The following TMEM130 variants were observed in gnomAD, a reference collection of about 807,000 sequenced individuals.
TMEM130 encodes transmembrane protein 130.
TMEM130 carries 37 observed loss-of-function variants against 42.9 expected under a neutral mutation model. The ratio of observed to expected loss-of-function variants is 0.86; its 90% CI spans 0.66 to 1.13. The LOEUF (loss-of-function observed/expected upper bound fraction) is 1.13, where lower values mean the gene tolerates loss of function less well. Ranked by LOEUF, TMEM130 falls within the 50% of genes most tolerant of loss-of-function variation. The probability of loss-of-function intolerance (pLI) is 0.00; values close to 1 mark genes in which losing one functional copy is unlikely to be tolerated. For synonymous variants in TMEM130, 259 were observed against 237.7 expected, an observed-to-expected ratio of 1.09 and a Z score of -0.82; for missense variants, 545 against 562.6, an observed-to-expected ratio of 0.97 and a Z score of 0.32.
intron 5 of TMEM130, among the ~76,000 whole-genome samples, chr7:98,853,665 C>T (rs938286961): frequency 1.3e-5 from 2 of 152,308 alleles, no homozygotes; most frequent in South Asian, 4.1e-4. Context: ...GGGCCCTGAC[C>T]ACTGATGTCT....
intron 7 of TMEM130, 136 bp downstream of exon 7, chr7:98,848,447 C>T: frequency 6.5e-6 from 5 of 773,732 alleles, no homozygotes; most frequent in Non-Finnish European, 1.1e-5. Flanking sequence ...CTCTTGGGCA[C>T]ATCACCCCAA....
intron 3 of TMEM130, among the ~76,000 whole-genome samples, chr7:98,859,849 G>A (rs1391647458): frequency 6.6e-6 from 1 of 151,284 alleles, no homozygotes; most frequent in Non-Finnish European, 1.5e-5. Context: ...CCAGGAGTTT[G>A]AGACTAGCCT....
At position 98,860,176 on chromosome 7, in the gene TMEM130, T is replaced by C; in HGVS notation, c.551+3A>G. On this transcript the variant is annotated splice_donor_region_variant and intron_variant, in intron 3 of 7. Transcript: ENST00000339375. ...TAGGGCCTGCAGAGGGGTAAGGACC[T>C]ACCCGTCCCCGAAGTCCCAGCTGTA... The C allele has an allele frequency of 6.2e-7, 1 of 1,610,660 alleles. No individual in the cohort carries two copies. Among genetic ancestry groups the C allele is most frequent in the Non-Finnish European group, 8.5e-7 (1 of 1,178,094 alleles).
chr7:98,858,020 A>C (rs1246431412), intron 3 of TMEM130, among the ~76,000 whole-genome samples: 2 of 151,980 alleles, frequency 1.3e-5, no homozygotes, highest in Non-Finnish European at 2.9e-5. Flanking sequence ...GGGATTACAG[A>C]AGTGAGCTAC....
At position 98,869,770 on chromosome 7, in the gene TMEM130, G is replaced by C; in HGVS notation, c.85+7C>G. 1 of 1,399,166 alleles carries C rather than the reference G, an allele frequency of 7.1e-7. No homozygotes were observed. Among genetic ancestry groups the C allele is most frequent in the Non-Finnish European group, 9.3e-7 (1 of 1,080,036 alleles). The allele number at this position is 1,399,166 out of a possible 1,614,324, so 86.7% of individuals were successfully genotyped here. A position where few individuals can be genotyped will look rare whatever the true frequency, so the allele number is the denominator to read the frequency against. On this transcript the variant is annotated splice_region_variant and intron_variant, in intron 1 of 7. Transcript: ENST00000339375. This position sits in a 1 kb window ranked among gnomAD's most constrained non-coding sequence, Gnocchi z 4.7. ...CTGCAGGGAGGCCGGATTGCCCAGC[G>C]CCTTACCTGCGGCCACCCCTGCCGG...
chr7:98,850,269 A>ATTTTTTTTT (rs1244635646), intron 6 of TMEM130, among the ~76,000 whole-genome samples: 77 of 30,132 alleles, frequency 2.6e-3, no homozygotes, highest in African/African-American at 7.3e-3. Context: ...ATATATATAT[A>ATTTTTTTTT]TATATTTTTT....
chr7:98,863,635 CTCCCTCCTTCTTCCT>C (rs1262521202), intron 1 of TMEM130, among the ~76,000 whole-genome samples: 6 of 149,438 alleles, frequency 4.0e-5, no homozygotes, highest in Admixed American at 6.7e-5. Context: ...CCCTCCCTCC[CTCCCTCCTTCTTCCT>C]TCCCTCCTTC....
In TMEM130 at chr7:98,854,955, G is replaced by C. The variant is rs1382195201; in HGVS notation, c.803+285C>G. On this transcript the variant is annotated intron_variant, in intron 5 of 7. Transcript: ENST00000339375. Reference sequence around the variant, plus strand: ...GGAGGCTGAGTCAGGATAATCGCTTGAACCAGGGAGGCAGAGGTCGCAGTG... The same window carrying C: ...GGAGGCTGAGTCAGGATAATCGCTTCAACCAGGGAGGCAGAGGTCGCAGTG... Among the ~76,000 whole-genome samples, 3 of 152,170 alleles carry C rather than the reference G, an allele frequency of 2.0e-5. No individual in the cohort carries two copies. The East Asian group carries it at 5.8e-4, about 29-fold the overall frequency.
In TMEM130 at chr7:98,858,717, T is replaced by A. The variant is rs117641768; in HGVS notation, c.551+1462A>T. ...ATATTTTAAAATTAGCTGGGTGTAG[T>A]GGTGCATGCCTGTAATCCCAGCCAC... On this transcript the variant is annotated intron_variant, in intron 3 of 7. Coordinates refer to ENST00000339375, the MANE Select transcript of TMEM130 (RefSeq NM_152913.3). Among the ~76,000 whole-genome samples the A allele has an allele frequency of 2.0e-3, 308 of 152,082 alleles. 5 individuals carry two copies. The East Asian group carries it at 0.044, about 22-fold the overall frequency.
At chr7:98,865,111 G>C (rs1249742273) in intron 1 of TMEM130, among the ~76,000 whole-genome samples, 1 of 152,218 alleles carries the variant, frequency 6.6e-6, no homozygotes, top group Non-Finnish European at 1.5e-5. Context: ...CAGGTGTTTG[G>C]TACTGCTGTT....
intron 3 of TMEM130, 45 bp from the exon 4 acceptor site, chr7:98,856,228 T>G: frequency 3.7e-5 from 59 of 1,583,166 alleles, no homozygotes; most frequent in Non-Finnish European, 4.6e-5. Context: ...AGCAGACGGT[T>G]GCTTCCCCTT....
intron 7 of TMEM130, 36 bp downstream of exon 7, chr7:98,848,547 C>T: frequency 7.1e-7 from 1 of 1,414,574 alleles, no homozygotes; most frequent in Non-Finnish European, 1.0e-6. Flanking sequence ...CTAGGCAAGG[C>T]CCAGTAGTCC....
chr7:98,859,656 C>G (rs28525333), intron 3 of TMEM130, among the ~76,000 whole-genome samples: 16,527 of 152,036 alleles, frequency 0.11, 2,983 homozygotes, highest in African/African-American at 0.38. Flanking sequence ...GGGAGGATCA[C>G]TTGAGGTCAG....
rs574749464 is a variant in TMEM130 at position 98,851,111 on chromosome 7, T to C, written c.1006+310A>G. ...CATATGGTAATGGTGGTAGCTGAGTTGGTTACAGTTGTTAGTGGTGCTGGT... is the reference window on the plus strand; with the variant it reads ...CATATGGTAATGGTGGTAGCTGAGTCGGTTACAGTTGTTAGTGGTGCTGGT... On this transcript the variant is annotated intron_variant, in intron 6 of 7. Transcript: ENST00000339375. Among the ~76,000 whole-genome samples the C allele has an allele frequency of 5.3e-5, 8 of 152,208 alleles. No homozygotes were observed. The South Asian group carries it at 1.7e-3, about 32-fold the overall frequency.
At chr7:98,855,424 C>T (rs1554398817) in intron 4 of TMEM130, 100 bp from the exon 5 acceptor site, 12 of 1,069,682 alleles carry the variant, frequency 1.1e-5, no homozygotes, top group East Asian at 7.7e-5. Context: ...TCCTCCCCTC[C>T]GTCCCTCTCC....
At chr7:98,850,274 T>TATA (rs1491493786) in intron 6 of TMEM130, among the ~76,000 whole-genome samples, 1 of 31,236 alleles carries the variant, frequency 3.2e-5, no homozygotes, top group Non-Finnish European at 7.8e-5. Context: ...TATATATATA[T>TATA]TTTTTTTTTT....
At chr7:98,848,448 A>C (rs1218678999) in intron 7 of TMEM130, 135 bp downstream of exon 7, 3 of 777,996 alleles carry the variant, frequency 3.9e-6, no homozygotes, top group Non-Finnish European at 6.4e-6. Flanking sequence ...TCTTGGGCAC[A>C]TCACCCCAAG....
rs1240820820 is a variant in TMEM130 at position 98,869,877 on chromosome 7, G to A, written c.-16C>T. ...CCTGGGCCATTGCGGGGCCCGGAGCGGGAGAAGCGTGGGGCGGACGCGGAG... is the reference window on the plus strand; with the variant it reads ...CCTGGGCCATTGCGGGGCCCGGAGCAGGAGAAGCGTGGGGCGGACGCGGAG... On this transcript the variant is annotated 5_prime_UTR_variant, in exon 1 of 8. Coordinates refer to ENST00000339375, the MANE Select transcript of TMEM130 (RefSeq NM_152913.3). The surrounding 1 kb of genome is among the most constrained non-coding windows in gnomAD (Gnocchi z 4.7). 5.2e-6 allele frequency: 7 copies of A among 1,346,062 alleles called. No individual in the cohort carries two copies. The highest frequency in any genetic ancestry group is 1.5e-5 in the African/African-American group (1 of 65,934). 83.4% of individuals were successfully genotyped at this position (1,346,062 alleles called of 1,614,324 possible). A position where few individuals can be genotyped will look rare whatever the true frequency, so the allele number is the denominator to read the frequency against.
intron 6 of TMEM130, among the ~76,000 whole-genome samples, chr7:98,850,273 A>ATATT: frequency 8.5e-5 from 3 of 35,454 alleles, no homozygotes; most frequent in Non-Finnish European, 1.9e-4. Context: ...ATATATATAT[A>ATATT]TTTTTTTTTT....
Sources: allele counts gnomAD v4.1 joint callset (sites outside exome capture counted in the v4.1 genomes callset), GRCh38; gene constraint gnomAD v4.1.1; non-coding constraint Gnocchi (gnomAD v3.1); transcripts MANE v1.5; gene names NCBI Gene and HGNC (gene_info 2026-07-23, HGNC 2026-07-21).